The following ARHGAP10 variants were observed in gnomAD, a reference collection of about 807,000 sequenced individuals.
ARHGAP10 encodes rho GTPase-activating protein 10.
In ARHGAP10, 87 loss-of-function variants were observed where a neutral mutation model predicts 108.6. The ratio of observed to expected loss-of-function variants is 0.80; its 90% CI spans 0.67 to 0.96. ARHGAP10 has a LOEUF of 0.96. ARHGAP10 is among the 40% of genes least tolerant of loss of function. The pLI, the probability that ARHGAP10 is intolerant of heterozygous loss-of-function variation, is 0.00. For synonymous variants in ARHGAP10, 347 were observed against 341.1 expected (o/e 1.02, Z -0.19); for missense variants, 939 against 954.5 (o/e 0.98, Z 0.21).
chr4:147,860,152 A>G (rs1393894868), intron 5 of ARHGAP10, among the ~76,000 whole-genome samples: 1 of 152,246 alleles, frequency 6.6e-6, no homozygotes, highest in Non-Finnish European at 1.5e-5. Context: ...ATTGAAAATA[A>G]CAGGAGAAGG....
intron 18 of ARHGAP10, among the ~76,000 whole-genome samples, chr4:148,003,343 T>G (rs1222630371): frequency 1.3e-5 from 2 of 152,196 alleles, no homozygotes; most frequent in South Asian, 2.1e-4. Flanking sequence ...AACTATGTGG[T>G]CAGTTTTGGA....
rs535549244 is a variant in ARHGAP10, at chr4:148,022,999, T to C, written c.1717-264T>C. On this transcript the variant is annotated intron_variant, in intron 18 of 22. Transcript: ENST00000336498. ...TCTATATCTGCTAAAGATAGTTTTA[T>C]TTGTTTAGTTTTGGAATGAATTATT... is the stretch of plus-strand genomic sequence containing the variant. The C allele has an allele frequency of 5.7e-4, 181 of 316,360 alleles. 1 individual carries two copies. The highest frequency in any genetic ancestry group is 3.1e-3 in the African/African-American group (146 of 47,854). The allele number at this position is 316,360 out of a possible 1,614,324, so 19.6% of individuals were successfully genotyped here.
intron 10 of ARHGAP10, among the ~76,000 whole-genome samples, chr4:147,899,245 TTTTC>T (rs954866185): frequency 2.6e-5 from 4 of 152,026 alleles, no homozygotes; most frequent in Admixed American, 1.3e-4. Context: ...AATTCCACTG[TTTTC>T]TTTGTCTGTG....
intron 19 of ARHGAP10, among the ~76,000 whole-genome samples, chr4:148,031,211 A>T (rs1237260385): frequency 6.6e-6 from 1 of 152,196 alleles, no homozygotes; most frequent in African/African-American, 2.4e-5. Context: ...AAGTCTGTTT[A>T]TTATCTTGGC....
At chr4:147,832,202 C>T (rs1047313796) in intron 3 of ARHGAP10, among the ~76,000 whole-genome samples, 4 of 152,030 alleles carry the variant, frequency 2.6e-5, no homozygotes, top group Non-Finnish European at 5.9e-5. Context: ...GCTGAGTCTG[C>T]TGTTTCACTA....
chr4:147,991,720 A>T (rs1001104955), intron 18 of ARHGAP10, among the ~76,000 whole-genome samples: 9 of 152,214 alleles, frequency 5.9e-5, no homozygotes, highest in African/African-American at 2.2e-4. Context: ...TGTACCAGCC[A>T]AGTTCCCAGA....
intron 5 of ARHGAP10, chr4:147,861,080 A>G (rs1308848892): frequency 6.6e-6 from 1 of 152,222 alleles, no homozygotes; most frequent in Non-Finnish European, 1.5e-5. Context: ...TCTTCCTGGC[A>G]GGCTGCACTC....
At chr4:147,919,091 C>T (rs1201389347) in intron 13 of ARHGAP10, among the ~76,000 whole-genome samples, 1 of 152,160 alleles carries the variant, frequency 6.6e-6, no homozygotes, top group African/African-American at 2.4e-5. Context: ...TGACATTTGA[C>T]GTTTTTATTA....
At chr4:147,836,681 C>T (rs1362601042) in intron 3 of ARHGAP10, among the ~76,000 whole-genome samples, 2 of 152,166 alleles carry the variant, frequency 1.3e-5, no homozygotes, top group African/African-American at 4.8e-5. Flanking sequence ...TAGTACTTAG[C>T]TAATGAGTGT....
intron 5 of ARHGAP10, among the ~76,000 whole-genome samples, chr4:147,859,311 T>C (rs528894368): frequency 6.6e-6 from 1 of 151,042 alleles, no homozygotes; most frequent in Non-Finnish European, 1.5e-5. Flanking sequence ...TTGCTCTTGT[T>C]GTCCAGGCTG....
intron 1 of ARHGAP10, among the ~76,000 whole-genome samples, chr4:147,798,771 CTCTCTCTCTCTATATATATATA>C (rs1407302290): frequency 1.0e-3 from 5 of 5,012 alleles, no homozygotes; most frequent in Admixed American, 5.7e-3. Flanking sequence ...CTCTCTCTCT[CTCTCTCTCTCTATATATATATA>C]TATATATATA....
chr4:147,859,626 G>A (rs1734236198), intron 5 of ARHGAP10, among the ~76,000 whole-genome samples: 1 of 152,012 alleles, frequency 6.6e-6, no homozygotes, highest in African/African-American at 2.4e-5. Context: ...TTTGTTACGT[G>A]GCTTCTTCCA....
intron 1 of ARHGAP10, among the ~76,000 whole-genome samples, chr4:147,748,766 T>A (rs1729030292): frequency 6.6e-6 from 1 of 151,762 alleles, no homozygotes; most frequent in South Asian, 2.1e-4. Flanking sequence ...AGGTTAGGAG[T>A]TTGAGACCAG....
intron 18 of ARHGAP10, among the ~76,000 whole-genome samples, chr4:147,994,046 A>G (rs1740380181): frequency 1.3e-5 from 2 of 152,222 alleles, no homozygotes; most frequent in Admixed American, 6.5e-5. Context: ...AGCTTGCTTT[A>G]TTCATTTATA....
At chr4:147,791,566 A>G (rs753318431) in intron 1 of ARHGAP10, among the ~76,000 whole-genome samples, 2 of 151,552 alleles carry the variant, frequency 1.3e-5, no homozygotes, top group African/African-American at 2.4e-5. Flanking sequence ...GTATATATAT[A>G]TATTTTGTTT....
chr4:147,928,457 G>A (rs181794329), intron 13 of ARHGAP10, among the ~76,000 whole-genome samples: 256 of 152,280 alleles, frequency 1.7e-3, no homozygotes, highest in African/African-American at 5.6e-3. Context: ...AGTGCCTGCT[G>A]GTGGGGAGGC....
At chr4:147,901,183 A>C (rs1188967973) in intron 10 of ARHGAP10, among the ~76,000 whole-genome samples, 1 of 152,232 alleles carries the variant, frequency 6.6e-6, no homozygotes, top group Non-Finnish European at 1.5e-5. Context: ...GCAATTGATT[A>C]TTAGAAAAGA....
intron 13 of ARHGAP10, among the ~76,000 whole-genome samples, chr4:147,921,756 T>C (rs1737241693): frequency 6.6e-6 from 1 of 152,182 alleles, no homozygotes; most frequent in South Asian, 2.1e-4. Flanking sequence ...CCCACCGTTT[T>C]ACCTCCAGTC....
intron 13 of ARHGAP10, among the ~76,000 whole-genome samples, chr4:147,929,604 G>T (rs1048473293): frequency 6.6e-6 from 1 of 152,062 alleles, no homozygotes; most frequent in African/African-American, 2.4e-5. Context: ...TCACATTTTT[G>T]TAATCCACCT....
Sources: allele counts gnomAD v4.1 joint callset (sites outside exome capture counted in the v4.1 genomes callset), GRCh38; gene constraint gnomAD v4.1.1; transcripts MANE v1.5; gene names NCBI Gene and HGNC (gene_info 2026-07-23, HGNC 2026-07-21).